ATG16L1: variants seen among roughly 807,000 people sequenced by gnomAD.
ATG16L1 encodes the protein autophagy related 16 like 1.
ATG16L1 carries 37 observed loss-of-function variants against 88.5 expected under a neutral mutation model. The ratio of observed to expected loss-of-function variants is 0.42; its 90% CI spans 0.32 to 0.55. The LOEUF (loss-of-function observed/expected upper bound fraction) is 0.55, where lower values mean the gene tolerates loss of function less well. Among genes scored for constraint, ATG16L1 ranks in the 20% least tolerant of loss-of-function variants. The pLI is 0.13. For missense variants in ATG16L1, 554 were observed against 752.8 expected (o/e 0.74, Z 3.09); for synonymous variants, 301 against 281.0 (o/e 1.07, Z -0.71).
At chr2:233,281,681 C>T (rs776733304) in intron 11 of ATG16L1, among the ~76,000 whole-genome samples, 4 of 152,136 alleles carry the variant, frequency 2.6e-5, no homozygotes, top group Non-Finnish European at 2.9e-5. Flanking sequence ...AAGCCAGGGA[C>T]GGACACCACA....
rs953670887 is a variant in ATG16L1, at chr2:233,259,256, G to A, written c.209+3061G>A. On this transcript the variant is annotated intron_variant, in intron 2 of 17. Transcript: ENST00000392017. ...AAGATGAGGTAATTGGGGCTTCCAC[G>A]CAAGCATAATCTAGCTTTGTGGTTC... 2.6e-5 allele frequency among the ~76,000 whole-genome samples: 4 copies of A among 152,246 alleles called. No individual in the cohort carries two copies. The East Asian group carries it at 5.8e-4, about 22-fold the overall frequency.
intron 9 of ATG16L1, chr2:233,275,675 TC>T: frequency 2.0e-6 from 1 of 507,390 alleles, no homozygotes; most frequent in Admixed American, 2.0e-5. Flanking sequence ...CAACGCCCCT[TC>T]CCAGTCCCAC....
At chr2:233,274,529 G>T (rs1698210732) in intron 8 of ATG16L1, 147 bp from the exon 9 acceptor site, 2 of 586,116 alleles carry the variant, frequency 3.4e-6, no homozygotes, top group East Asian at 2.9e-5. Flanking sequence ...TTTGTGAATT[G>T]TTCTGTAGTT....
chr2:233,264,947 C>T lies in ATG16L1; in HGVS notation c.445C>T (p.Arg149Cys), dbSNP rs765452525. The change falls in exon 5 of 18, where the codon CGC becomes TGC. Residue 149 changes from arginine to cysteine, a missense_variant. Transcript: ENST00000392017. ...SDLETECLDL[R>C]TKLCDLERAN... ...CCTGGAGACGGAGTGCCTAGACCTG[C>T]GCACTAAGCTTTGTGACCTTGAAAG... 3.7e-6 allele frequency: 6 copies of T among 1,614,044 alleles called. No homozygotes were observed. Among genetic ancestry groups the T allele is most frequent in the Middle Eastern group, 3.3e-4 (2 of 6,058 alleles).
intron 9 of ATG16L1, 65 bp from the exon 10 acceptor site, chr2:233,277,503 G>A: frequency 6.9e-7 from 1 of 1,458,422 alleles, no homozygotes; most frequent in Non-Finnish European, 9.6e-7. Context: ...CATTTGGAGT[G>A]TTCGCGCATC....
chr2:233,285,582 G>A (rs2125282373), intron 12 of ATG16L1, among the ~76,000 whole-genome samples: 1 of 152,318 alleles, frequency 6.6e-6, no homozygotes, highest in African/African-American at 2.4e-5. Flanking sequence ...TGAGTTTCTG[G>A]CCTGCTCATA....
At chr2:233,263,431 G>C (rs1178135785) in intron 3 of ATG16L1, among the ~76,000 whole-genome samples, 196 bp downstream of exon 3, 1 of 152,148 alleles carries the variant, frequency 6.6e-6, no homozygotes, top group Non-Finnish European at 1.5e-5. Flanking sequence ...ATCACCAGAA[G>C]GGCAATCCTG....
At chr2:233,269,409 C>T (rs967201387) in intron 5 of ATG16L1, among the ~76,000 whole-genome samples, 2 of 152,154 alleles carry the variant, frequency 1.3e-5, no homozygotes, top group Non-Finnish European at 2.9e-5. Context: ...CTCCACAATG[C>T]TCCAGAATCT....
At chr2:233,294,213 C>A in intron 17 of ATG16L1, 44 bp from the exon 18 acceptor site, 1 of 1,477,118 alleles carries the variant, frequency 6.8e-7, no homozygotes, top group South Asian at 1.3e-5. Flanking sequence ...GATCTCATCC[C>A]AAATGTTCTG....
Position 233,263,983 on chromosome 2 carries a change from A to T in ATG16L1, c.316-9A>T. ...TTTATTTATGAAAGTATTCTTCTTT[A>T]TCTCCCAGTTAGCTCAACTGGTGAT... On this transcript the variant is annotated splice_polypyrimidine_tract_variant and intron_variant, in intron 3 of 17. Coordinates refer to ENST00000392017, the MANE Select transcript of ATG16L1 (RefSeq NM_030803.7). 1.2e-6 allele frequency: 2 copies of T among 1,613,570 alleles called. No individual in the cohort carries two copies. Among genetic ancestry groups the T allele is most frequent in the South Asian group, 2.2e-5 (2 of 91,056 alleles).
At chr2:233,293,497 A>G in intron 17 of ATG16L1, 140 bp downstream of exon 17, 2 of 736,084 alleles carry the variant, frequency 2.7e-6, no homozygotes, top group Non-Finnish European at 4.7e-6. Flanking sequence ...GAGCTAGGTC[A>G]GTGGAGAGAA....
At chr2:233,276,009 G>A in intron 9 of ATG16L1, 1 of 511,964 alleles carries the variant, frequency 2.0e-6, no homozygotes, top group South Asian at 1.4e-5. Flanking sequence ...GACCTCCTAA[G>A]GAGAAAGAAA....
At chr2:233,273,173 C>A in intron 7 of ATG16L1, 121 bp downstream of exon 7, 1 of 757,716 alleles carries the variant, frequency 1.3e-6, no homozygotes, top group Admixed American at 2.3e-5. Flanking sequence ...TTCTGGGACA[C>A]CCAGCGTCGA....
At chr2:233,280,701 C>T (rs935490499) in intron 10 of ATG16L1, among the ~76,000 whole-genome samples, 1 of 152,182 alleles carries the variant, frequency 6.6e-6, no homozygotes, top group East Asian at 1.9e-4. Context: ...TAAGTTGGCA[C>T]AAATGCTGAT....
intron 5 of ATG16L1, 119 bp from the exon 6 acceptor site, chr2:233,269,883 A>T: frequency 1.1e-6 from 1 of 907,088 alleles, no homozygotes; most frequent in Non-Finnish European, 1.6e-6. Flanking sequence ...TGCTCAGGGT[A>T]GTTGTTATTT....
chr2:233,274,635 C>T, intron 8 of ATG16L1, 41 bp from the exon 9 acceptor site: 1 of 1,513,412 alleles, frequency 6.6e-7, no homozygotes, highest in Non-Finnish European at 9.1e-7. Flanking sequence ...CAGTAAACCT[C>T]TGCAATCCTG....
intron 12 of ATG16L1, among the ~76,000 whole-genome samples, chr2:233,288,254 G>T (rs916683347): frequency 6.6e-6 from 1 of 152,148 alleles, no homozygotes; most frequent in Non-Finnish European, 1.5e-5. Flanking sequence ...ATAGAGGAAG[G>T]ATTGGTTTCA....
At chr2:233,267,037 A>G (rs1467169624) in intron 5 of ATG16L1, among the ~76,000 whole-genome samples, 2 of 152,170 alleles carry the variant, frequency 1.3e-5, no homozygotes, top group East Asian at 1.9e-4. Flanking sequence ...CTGTAAATGG[A>G]TATAAAAATA....
intron 12 of ATG16L1, chr2:233,288,580 C>G (rs1349003840): frequency 5.6e-6 from 2 of 358,126 alleles, no homozygotes; most frequent in South Asian, 2.2e-5. Flanking sequence ...CTTTGCCAAC[C>G]CTTGCATTTT....
Sources: allele counts gnomAD v4.1 joint callset (sites outside exome capture counted in the v4.1 genomes callset), GRCh38; gene constraint gnomAD v4.1.1; transcripts MANE v1.5; gene names NCBI Gene and HGNC (gene_info 2026-07-23, HGNC 2026-07-21).